Variants in TBCD observed in about 807,000 individuals in gnomAD.
TBCD encodes the protein tubulin folding cofactor D, also known as tubulin-specific chaperone D.
TBCD carries 105 observed loss-of-function variants against 169.3 expected under a neutral mutation model. The observed-to-expected ratio is 0.62, with a 90% confidence interval of 0.53 to 0.73. The LOEUF is 0.73. TBCD is among the 30% of genes least tolerant of loss of function. The pLI is 0.00. For synonymous variants in TBCD, 700 were observed against 643.9 expected, an observed-to-expected ratio of 1.09 and a Z score of -1.32; for missense variants, 1,444 against 1,600.1, an observed-to-expected ratio of 0.90 and a Z score of 1.66.
rs2063498495 is a variant in TBCD at position 82,943,963 on chromosome 17, G to A, written c.*1500G>A. Reference sequence around the variant, plus strand: ...CTTGGCTCCTGTGGTCGGCACACACGAGACTCTGGTTGCGCCTGCTGGGTG... The same window carrying A: ...CTTGGCTCCTGTGGTCGGCACACACAAGACTCTGGTTGCGCCTGCTGGGTG... On this transcript the variant is annotated 3_prime_UTR_variant, in exon 39 of 39. Coordinates refer to ENST00000355528, the MANE Select transcript of TBCD (RefSeq NM_005993.5). The A allele has an allele frequency of 6.6e-6, 1 of 152,196 alleles. No individual in the cohort carries two copies. The highest frequency in any genetic ancestry group is 1.5e-5 in the Non-Finnish European group (1 of 68,058). The allele number at this position is 152,196 out of a possible 1,614,324, so 9.4% of individuals were successfully genotyped here. A position where few individuals can be genotyped will look rare whatever the true frequency, so the allele number is the denominator to read the frequency against.
chr17:82,792,139 C>A (rs1420144018), intron 7 of TBCD, among the ~76,000 whole-genome samples: 3 of 152,172 alleles, frequency 2.0e-5, no homozygotes, highest in Non-Finnish European at 2.9e-5. Flanking sequence ...GAAACCCCAT[C>A]TCTACTAAAA....
chr17:82,824,106 ATTTTC>A (rs2052630838), intron 13 of TBCD, among the ~76,000 whole-genome samples: 1 of 152,128 alleles, frequency 6.6e-6, no homozygotes, highest in South Asian at 2.1e-4. Flanking sequence ...ATGTATCAGA[ATTTTC>A]TTTCTTTTAA....
chr17:82,919,829 G>A (rs560470547), intron 23 of TBCD, among the ~76,000 whole-genome samples: 9 of 152,178 alleles, frequency 5.9e-5, no homozygotes, highest in Non-Finnish European at 1.0e-4. Flanking sequence ...GGGACGCCAG[G>A]TGGACCGACG....
At chr17:82,809,592 C>T in intron 11 of TBCD, 116 bp from the exon 12 acceptor site, 2 of 1,169,750 alleles carry the variant, frequency 1.7e-6, no homozygotes, top group African/African-American at 1.5e-5. Context: ...GAGTTGGCCT[C>T]TTCTCTCCTG....
intron 4 of TBCD, 95 bp downstream of exon 4, chr17:82,766,463 C>G: frequency 1.3e-6 from 1 of 747,694 alleles, no homozygotes; most frequent in Non-Finnish European, 2.2e-6. Context: ...CTTCCTGTTT[C>G]TTTCATTTTA....
intron 13 of TBCD, among the ~76,000 whole-genome samples, chr17:82,850,402 G>A (rs1160864980): frequency 1.3e-5 from 2 of 149,816 alleles, no homozygotes; most frequent in East Asian, 3.9e-4. Flanking sequence ...TGTTGGCTGT[G>A]CTGTTGTTGG....
intron 14 of TBCD, among the ~76,000 whole-genome samples, chr17:82,872,567 A>G (rs1460512633): frequency 6.6e-6 from 1 of 152,248 alleles, no homozygotes; most frequent in African/African-American, 2.4e-5. Flanking sequence ...AGCCTCAGGA[A>G]AGGCTCTTCC....
chr17:82,764,328 A>C (rs1322225485), intron 3 of TBCD, among the ~76,000 whole-genome samples: 1 of 152,166 alleles, frequency 6.6e-6, no homozygotes, highest in African/African-American at 2.4e-5. Flanking sequence ...TGGAGATGAG[A>C]CTAAATCAGA....
At chr17:82,931,932 C>T (rs1227021869) in intron 33 of TBCD, 2 of 152,526 alleles carry the variant, frequency 1.3e-5, no homozygotes, top group Non-Finnish European at 2.9e-5. Context: ...CTCTCACTGG[C>T]GCGTTGCTGT....
In TBCD at chr17:82,796,757, G is replaced by A. The variant is rs748162311; in HGVS notation, c.772-1000G>A. On this transcript the variant is annotated intron_variant, in intron 7 of 38. Transcript: ENST00000355528. ...AGCGGGCTCCATGGAGAGAGTCTAAGTTCCCTCTCCTTTTAAGAAGATGTT... is the reference window on the plus strand; with the variant it reads ...AGCGGGCTCCATGGAGAGAGTCTAAATTCCCTCTCCTTTTAAGAAGATGTT... Among the ~76,000 whole-genome samples, 27 of 152,350 alleles carry A rather than the reference G, an allele frequency of 1.8e-4. 2 individuals are homozygous for A. The highest frequency in any genetic ancestry group is 1.0e-3 in the South Asian group (5 of 4,826).
At chr17:82,834,321 G>A (rs1418731725) in intron 13 of TBCD, among the ~76,000 whole-genome samples, 1 of 152,200 alleles carries the variant, frequency 6.6e-6, no homozygotes, top group Non-Finnish European at 1.5e-5. Context: ...CAGCAACTGT[G>A]CCTGGGAGAC....
intron 2 of TBCD, among the ~76,000 whole-genome samples, chr17:82,763,476 C>G (rs1420159260): frequency 6.6e-6 from 1 of 152,116 alleles, no homozygotes; most frequent in African/African-American, 2.4e-5. Flanking sequence ...GCGGTGGGCT[C>G]ACACCTGTAA....
At chr17:82,919,082 A>C (rs2147109134) in intron 23 of TBCD, among the ~76,000 whole-genome samples, 1 of 152,346 alleles carries the variant, frequency 6.6e-6, no homozygotes, top group African/African-American at 2.4e-5. Context: ...AAAACTTCTT[A>C]GTTTAGAAAT....
intron 2 of TBCD, among the ~76,000 whole-genome samples, chr17:82,761,044 CCTT>C (rs777198014): frequency 1.3e-5 from 2 of 151,982 alleles, no homozygotes; most frequent in East Asian, 1.9e-4. Context: ...ACTGCAACCT[CCTT>C]CTCCTGGGTT....
chr17:82,909,596 A>C (rs1219306222), intron 22 of TBCD, among the ~76,000 whole-genome samples: 2 of 123,768 alleles, frequency 1.6e-5, no homozygotes, highest in Non-Finnish European at 3.4e-5. Flanking sequence ...TGGGAGGCGC[A>C]TGAGGGTCTG....
intron 18 of TBCD, among the ~76,000 whole-genome samples, chr17:82,901,009 AG>A (rs976583050): frequency 1.8e-4 from 27 of 152,072 alleles, no homozygotes; most frequent in African/African-American, 5.6e-4. Flanking sequence ...CTGCCGTCCG[AG>A]GGGGCGCGGG....
In TBCD at chr17:82,881,323, T is replaced by G. The variant is rs559552213; in HGVS notation, c.1476-2822T>G. Among the ~76,000 whole-genome samples the G allele has an allele frequency of 3.9e-4, 58 of 147,352 alleles. 1 individual carries two copies. In the South Asian group the frequency reaches 0.012, roughly 31 times the overall value. ...GCTTTATCCACTGGTGATCCGTGGT[T>G]GTTAGTAATTAAACCAAGTAAACGG... On this transcript the variant is annotated intron_variant, in intron 14 of 38. Coordinates refer to ENST00000355528, the MANE Select transcript of TBCD (RefSeq NM_005993.5).
chr17:82,806,666 C>A lies in TBCD; in HGVS notation c.1087+655C>A, dbSNP rs1024967196. Among the ~76,000 whole-genome samples the A allele has an allele frequency of 6.6e-6, 1 of 152,088 alleles. No individual in the cohort carries two copies. On this transcript the variant is annotated intron_variant, in intron 10 of 38. Transcript: ENST00000355528. This position sits in a 1 kb window ranked among gnomAD's most constrained non-coding sequence, Gnocchi z 5.1. ...GCTTCCTGATGGGCAGGCGGGGCCA[C>A]GCTGCCTGTGCTGTGCTGCACTCTG...
At chr17:82,792,062 C>T (rs1454353241) in intron 7 of TBCD, among the ~76,000 whole-genome samples, 1 of 152,246 alleles carries the variant, frequency 6.6e-6, no homozygotes, top group Non-Finnish European at 1.5e-5. Flanking sequence ...GTAATCCCAG[C>T]ACTTTGGGAG....
Sources: allele counts gnomAD v4.1 joint callset (sites outside exome capture counted in the v4.1 genomes callset), GRCh38; gene constraint gnomAD v4.1.1; non-coding constraint Gnocchi (gnomAD v3.1); transcripts MANE v1.5; gene names NCBI Gene and HGNC (gene_info 2026-07-23, HGNC 2026-07-21).